Variants in WNK2 observed in about 807,000 individuals in gnomAD.
WNK2 encodes the protein WNK lysine deficient protein kinase 2, also known as serine/threonine-protein kinase WNK2.
In WNK2, 67 loss-of-function variants were observed where a neutral mutation model predicts 192.1. That is an observed-to-expected ratio of 0.35 (90% CI 0.29 to 0.43). WNK2 has a LOEUF of 0.43. Among genes scored for constraint, WNK2 ranks in the 20% least tolerant of loss-of-function variants. The pLI is 1.00. For synonymous variants in WNK2, 1,439 were observed against 1,393.9 expected (o/e 1.03, Z -0.72); for missense variants, 2,698 against 3,089.7 (o/e 0.87, Z 3.01).
At chr9:93,318,517 G>C in intron 29 of WNK2, 1 of 1,614,156 alleles carries the variant, frequency 6.2e-7, no homozygotes. Flanking sequence ...AAAACGTTAG[G>C]TGAGCAGACA....
chr9:93,192,502 G>A (rs1830513452), intron 2 of WNK2, among the ~76,000 whole-genome samples: 1 of 151,988 alleles, frequency 6.6e-6, no homozygotes, highest in African/African-American at 2.4e-5. Flanking sequence ...CTCGGGTGGA[G>A]TGGGATCTCC....
Position 93,261,850 on chromosome 9 carries a change from G to A in WNK2, c.3103G>A (p.Val1035Ile), listed in dbSNP as rs545534825. 1.4e-5 allele frequency: 23 copies of A among 1,598,052 alleles called. No individual in the cohort carries two copies. Among genetic ancestry groups the A allele is most frequent in the African/African-American group, 6.7e-5 (5 of 74,972 alleles). Residue 1035 changes from valine (V) to isoleucine (I), a missense_variant, in exon 13 of 30, where the codon GTC becomes ATC. Val to Ile is a conservative substitution (Grantham distance 29, BLOSUM62 3). Transcript: ENST00000427277. ...LGHPAPYAVD[V>I]AAQVPTVPVP... Reference sequence around the variant, plus strand: ...CCACCCAGCTCCCTATGCTGTGGACGTCGCCGCTCAGGTCCCCACCGTGCC... The same window carrying A: ...CCACCCAGCTCCCTATGCTGTGGACATCGCCGCTCAGGTCCCCACCGTGCC...
At chr9:93,204,767 T>C (rs548939336) in intron 2 of WNK2, among the ~76,000 whole-genome samples, 9 of 152,026 alleles carry the variant, frequency 5.9e-5, no homozygotes, top group African/African-American at 2.2e-4. Context: ...TCAGGGAGGC[T>C]CAGAAAGTGA....
Position 93,289,285 on chromosome 9 carries a change from A to G in WNK2, c.4531A>G (p.Thr1511Ala), listed in dbSNP as rs1196814789. ...PAAVGAVSLATSQLPSPPLGP... is the reference protein window; with the variant it reads ...PAAVGAVSLAASQLPSPPLGP... ...CGCAGTGGGGGCCGTCAGCCTGGCC[A>G]CCTCCCAGCTCCCAAGCCCACCCCT... The change falls in exon 20 of 30, where the codon ACC becomes GCC. Residue 1511 changes from threonine (T) to alanine (A), a missense_variant. Thr to Ala is a moderately conservative substitution (Grantham distance 58, BLOSUM62 0). Coordinates refer to ENST00000427277, the MANE Select transcript of WNK2 (RefSeq NM_006648.4). The G allele has an allele frequency of 6.3e-7, 1 of 1,598,378 alleles. No homozygotes were observed.
chr9:93,286,429 T>C (rs956502976), intron 19 of WNK2, among the ~76,000 whole-genome samples: 2 of 152,174 alleles, frequency 1.3e-5, no homozygotes, highest in East Asian at 3.8e-4. Flanking sequence ...TTGAATTAAG[T>C]ATTATCAGGG....
In WNK2 at chr9:93,290,012, C is replaced by T. The variant is rs976069855; in HGVS notation, c.4901C>T (p.Ala1634Val). The T allele has an allele frequency of 4.4e-6, 7 of 1,578,786 alleles. No homozygotes were observed. Among genetic ancestry groups the T allele is most frequent in the Non-Finnish European group, 6.0e-6 (7 of 1,161,310 alleles). ...TCAGAACTGGCCCCCACTCGAGGGG[C>T]CGTGATGGAGCAGGGCACGTCCTCG... ...EKSELAPTRG[A>V]VMEQGTSSSM... is the part of the protein sequence containing the mutation. Residue 1634 changes from alanine (A) to valine (V), a missense_variant, in exon 21 of 30, where the codon GCC (alanine) becomes GTC (valine). By Grantham distance (64) the Ala-to-Val change is moderately conservative. This residue lies in a region of WNK2 where 1,098 missense variants were observed against 1,101.0 expected (regional missense o/e 1.00). Coordinates refer to ENST00000427277, the MANE Select transcript of WNK2 (RefSeq NM_006648.4).
Position 93,259,741 on chromosome 9 carries a change from A to G in WNK2, c.3066+127A>G, listed in dbSNP as rs1843911635. The G allele has an allele frequency of 1.1e-6, 1 of 910,768 alleles. No individual in the cohort carries two copies. The highest frequency in any genetic ancestry group is 1.6e-6 in the Non-Finnish European group (1 of 622,226). 56.4% of individuals were successfully genotyped at this position (910,768 alleles called of 1,614,324 possible). On this transcript the variant is annotated intron_variant, in intron 12 of 29. Transcript: ENST00000427277. The surrounding 1 kb of genome is among the most constrained non-coding windows in gnomAD (Gnocchi z 4.8). Reference sequence around the variant, plus strand: ...CTGGGGTCGCCCCTCTCAGGAAGAGATGTGTGTGAGGCTGAGGGAGGCGGG... The same window carrying G: ...CTGGGGTCGCCCCTCTCAGGAAGAGGTGTGTGTGAGGCTGAGGGAGGCGGG...
intron 23 of WNK2, among the ~76,000 whole-genome samples, chr9:93,295,898 C>T (rs1372006782): frequency 1.4e-5 from 2 of 141,398 alleles, no homozygotes; most frequent in South Asian, 5.0e-4. Context: ...AACTCACTTT[C>T]CTCCTCTCTC....
intron 2 of WNK2, among the ~76,000 whole-genome samples, chr9:93,212,174 G>T (rs548331337): frequency 1.1e-4 from 17 of 152,196 alleles, no homozygotes; most frequent in Non-Finnish European, 1.6e-4. Flanking sequence ...CTCTTCAATT[G>T]TGGGAGGTGC....
At chr9:93,215,607 C>T (rs1183923691) in intron 2 of WNK2, among the ~76,000 whole-genome samples, 1 of 152,206 alleles carries the variant, frequency 6.6e-6, no homozygotes, top group African/African-American at 2.4e-5. Context: ...TATGTCTAAT[C>T]TGCTGTTGAA....
intron 8 of WNK2, among the ~76,000 whole-genome samples, chr9:93,249,292 C>T (rs1362543036): frequency 6.6e-6 from 1 of 152,138 alleles, no homozygotes; most frequent in Non-Finnish European, 1.5e-5. Flanking sequence ...ATATGTTTAG[C>T]TTGTGGTCAG....
At chr9:93,290,125 C>A (rs1033695334) in intron 21 of WNK2, 78 bp downstream of exon 21, 4 of 1,295,654 alleles carry the variant, frequency 3.1e-6, no homozygotes, top group Non-Finnish European at 4.3e-6. Flanking sequence ...GCATCCGCAC[C>A]CTCGTCTTTC....
At position 93,185,256 on chromosome 9, in the gene WNK2, A is replaced by G. The variant is rs967603088; in HGVS notation, c.327A>G (p.Gly109=). ...AALVAQPGAP[G]APADAGPEPV... ...TGGTAGCGCAGCCGGGAGCCCCCGG[A>G]GCCCCCGCGGACGCCGGCCCCGAGC... Residue 109 remains glycine (G), a synonymous_variant, in exon 2 of 30, where the codon GGA becomes GGG. Coordinates refer to ENST00000427277, the MANE Select transcript of WNK2 (RefSeq NM_006648.4). 1.8e-5 allele frequency: 23 copies of G among 1,265,534 alleles called. No homozygotes were observed. In the African/African-American group the frequency reaches 3.5e-4, roughly 19 times the overall value. 78.4% of individuals were successfully genotyped at this position (1,265,534 alleles called of 1,614,324 possible). A position where few individuals can be genotyped will look rare whatever the true frequency, so the allele number is the denominator to read the frequency against.
intron 24 of WNK2, 137 bp downstream of exon 24, chr9:93,298,204 T>G: frequency 1.0e-6 from 1 of 981,798 alleles, no homozygotes; most frequent in Non-Finnish European, 1.5e-6. Context: ...TGAATCTCCT[T>G]TCCCTGGAGC....
At chr9:93,194,881 A>G (rs1317434494) in intron 2 of WNK2, among the ~76,000 whole-genome samples, 2 of 152,216 alleles carry the variant, frequency 1.3e-5, no homozygotes, top group African/African-American at 4.8e-5. Flanking sequence ...GTGCTAAAAG[A>G]AATGAGCTAT....
Position 93,184,957 on chromosome 9 carries a change from G to A in WNK2, c.28G>A (p.Val10Ile), listed in dbSNP as rs1200556186. Residue 10 changes from valine to isoleucine, a missense_variant, in exon 2 of 30, where the codon GTC becomes ATC. Val to Ile is a conservative substitution (Grantham distance 29, BLOSUM62 3). Coordinates refer to ENST00000427277, the MANE Select transcript of WNK2 (RefSeq NM_006648.4). ...GGACGGCGATGGCGGCCGCCGAGACGTCCCCGGCACGCTGATGGAGCCCGG... is the reference window on the plus strand; with the variant it reads ...GGACGGCGATGGCGGCCGCCGAGACATCCCCGGCACGCTGATGGAGCCCGG... MDGDGGRRDVPGTLMEPGRG... is the reference protein window; with the variant it reads MDGDGGRRDIPGTLMEPGRG... The A allele has an allele frequency of 8.1e-7, 1 of 1,231,238 alleles. No homozygotes were observed. The highest frequency in any genetic ancestry group is 1.0e-6 in the Non-Finnish European group (1 of 988,928). 76.3% of individuals were successfully genotyped at this position (1,231,238 alleles called of 1,614,324 possible). A position where few individuals can be genotyped will look rare whatever the true frequency, so the allele number is the denominator to read the frequency against.
At chr9:93,216,299 A>C (rs1835731303) in intron 2 of WNK2, among the ~76,000 whole-genome samples, 1 of 152,158 alleles carries the variant, frequency 6.6e-6, no homozygotes, top group African/African-American at 2.4e-5. Context: ...TGAGCCACAA[A>C]TGTGAGCCAT....
At chr9:93,287,658 G>C (rs942667944) in intron 19 of WNK2, among the ~76,000 whole-genome samples, 2 of 152,204 alleles carry the variant, frequency 1.3e-5, no homozygotes, top group African/African-American at 4.8e-5. Context: ...GACCAAGGGA[G>C]TCTGGGGGCA....
In WNK2 at chr9:93,319,954, G is replaced by A. The variant is rs553813811; in HGVS notation, c.6629-413G>A. On this transcript the variant is annotated intron_variant, in intron 29 of 29. Transcript: ENST00000427277. ...CTGAGGGTCCCAGTGTCTCCTGCCC[G>A]GTCCACTGTGGGGGCTGCCTTGGCT... 2.1e-3 allele frequency among the ~76,000 whole-genome samples: 323 copies of A among 152,262 alleles called. 1 individual carries two copies. Among genetic ancestry groups the A allele is most frequent in the African/African-American group, 7.5e-3 (311 of 41,552 alleles).
Sources: gnomAD v4.1 joint callset for allele counts (sites outside exome capture counted in the v4.1 genomes callset) on GRCh38, gnomAD v4.1.1 for gene constraint, gnomAD v4.1.1 regional missense constraint, Gnocchi (gnomAD v3.1) non-coding constraint, MANE v1.5 for transcripts, NCBI Gene and HGNC (gene_info 2026-07-23, HGNC 2026-07-21) for gene names.